The following CSGALNACT1 variants were observed in gnomAD, a reference collection of about 807,000 sequenced individuals.
CSGALNACT1 encodes chondroitin sulfate N-acetylgalactosaminyltransferase 1.
A neutral mutation model predicts 51.0 loss-of-function variants in CSGALNACT1; 52 were observed. The ratio of observed to expected loss-of-function variants is 1.02; its 90% CI spans 0.82 to 1.29. The LOEUF (loss-of-function observed/expected upper bound fraction) is 1.29. CSGALNACT1 is among the 50% of genes most tolerant of loss of function. The pLI is 0.00. For missense variants in CSGALNACT1, 935 were observed against 679.2 expected (o/e 1.38, Z -4.19); for synonymous variants, 341 against 254.4 (o/e 1.34, Z -3.24).
chr8:19,513,437 T>TCTCTCTATATATATATAC (rs1491147909), intron 3 of CSGALNACT1, among the ~76,000 whole-genome samples: 44 of 32,058 alleles, frequency 1.4e-3, no homozygotes, highest in African/African-American at 5.0e-3. Context: ...TCTCTCTCTC[T>TCTCTCTATATATATATAC]ATATATATAT....
intron 8 of CSGALNACT1, among the ~76,000 whole-genome samples, chr8:19,412,618 C>T (rs867657913): frequency 9.9e-5 from 15 of 152,218 alleles, no homozygotes; most frequent in South Asian, 2.1e-4. Context: ...TTAGCAGGGC[C>T]GGCTTACAAA....
intron 1 of CSGALNACT1, among the ~76,000 whole-genome samples, chr8:19,623,040 TATC>T (rs1589100295): frequency 6.6e-6 from 1 of 152,162 alleles, no homozygotes; most frequent in East Asian, 1.9e-4. Context: ...TCCACACATG[TATC>T]CCAGAACTTA....
At chr8:19,456,523 G>C (rs891144276) in intron 5 of CSGALNACT1, among the ~76,000 whole-genome samples, 1 of 152,208 alleles carries the variant, frequency 6.6e-6, no homozygotes, top group Non-Finnish European at 1.5e-5. Flanking sequence ...AACGCCGCAG[G>C]TTCAGTCATT....
At chr8:19,461,578 C>G (rs1413649703) in intron 4 of CSGALNACT1, among the ~76,000 whole-genome samples, 1 of 131,566 alleles carries the variant, frequency 7.6e-6, no homozygotes, top group Non-Finnish European at 1.7e-5. Flanking sequence ...CGGCCACATT[C>G]ACCATGGGGG....
At chr8:19,666,925 GAGAC>G (rs2059307578) in intron 1 of CSGALNACT1, among the ~76,000 whole-genome samples, 1 of 136,286 alleles carries the variant, frequency 7.3e-6, no homozygotes, top group African/African-American at 2.8e-5. Flanking sequence ...GAGGAAGGGA[GAGAC>G]AGAGAGAGAG....
chr8:19,548,941 C>A (rs1443312195), intron 3 of CSGALNACT1, among the ~76,000 whole-genome samples: 3 of 152,172 alleles, frequency 2.0e-5, no homozygotes, highest in African/African-American at 7.2e-5. Flanking sequence ...GCCTCAGCCT[C>A]CCAAGTAGCT....
intron 5 of CSGALNACT1, among the ~76,000 whole-genome samples, chr8:19,452,477 A>C (rs981783334): frequency 2.0e-5 from 3 of 151,668 alleles, no homozygotes; most frequent in African/African-American, 7.3e-5. Context: ...AAAGCTAATC[A>C]CATTTAGTCA....
chr8:19,517,314 C>G (rs1332199778), intron 3 of CSGALNACT1, among the ~76,000 whole-genome samples: 1 of 152,104 alleles, frequency 6.6e-6, no homozygotes, highest in East Asian at 1.9e-4. Context: ...GTGGCACATG[C>G]CTGTAATCCC....
At chr8:19,600,369 C>T (rs901806407) in intron 2 of CSGALNACT1, among the ~76,000 whole-genome samples, 2 of 152,134 alleles carry the variant, frequency 1.3e-5, no homozygotes, top group Non-Finnish European at 2.9e-5. Flanking sequence ...AGTGAGCCAC[C>T]GCACCCAGCC....
At chr8:19,443,084 G>A (rs1419340957) in intron 5 of CSGALNACT1, among the ~76,000 whole-genome samples, 1 of 152,114 alleles carries the variant, frequency 6.6e-6, no homozygotes, top group Non-Finnish European at 1.5e-5. Flanking sequence ...GCACCCTCCT[G>A]GGGCCAGACC....
chr8:19,506,180 C>T (rs1039641497), intron 3 of CSGALNACT1, 50 bp from the exon 3 acceptor site: 8 of 502,980 alleles, frequency 1.6e-5, no homozygotes, highest in Non-Finnish European at 3.1e-5. Flanking sequence ...CAACGACTCC[C>T]TCATGTTCCC....
chr8:19,498,698 T>G (rs1422323811), intron 4 of CSGALNACT1, among the ~76,000 whole-genome samples: 1 of 152,208 alleles, frequency 6.6e-6, no homozygotes, highest in African/African-American at 2.4e-5. Flanking sequence ...GAGCCTTTCC[T>G]GCCCACTCCA....
intron 4 of CSGALNACT1, among the ~76,000 whole-genome samples, chr8:19,480,702 T>A (rs1372846696): frequency 1.3e-5 from 2 of 152,216 alleles, no homozygotes; most frequent in African/African-American, 4.8e-5. Context: ...TTCAGTGATC[T>A]GGAGTGTCCA....
chr8:19,434,499 T>G (rs575412613), intron 6 of CSGALNACT1, among the ~76,000 whole-genome samples: 1 of 152,216 alleles, frequency 6.6e-6, no homozygotes, highest in East Asian at 1.9e-4. Context: ...AGAAGCAAGA[T>G]ACTCTCCTGG....
chr8:19,433,561 G>A (rs1292936374), intron 6 of CSGALNACT1, among the ~76,000 whole-genome samples: 3 of 152,172 alleles, frequency 2.0e-5, no homozygotes, highest in African/African-American at 7.2e-5. Flanking sequence ...TTAGACAAAT[G>A]CTCTCCCTGA....
At position 19,536,805 on chromosome 8, in the gene CSGALNACT1, A is replaced by G. The variant is rs1413232898; in HGVS notation, c.-296-30675T>C. Among the ~76,000 whole-genome samples, 7 of 152,332 alleles carry G rather than the reference A, an allele frequency of 4.6e-5. No individual in the cohort carries two copies. The East Asian group carries it at 1.3e-3, about 29-fold the overall frequency. On this transcript the variant is annotated intron_variant, in intron 3 of 9. Transcript: ENST00000454498. ...GAGACTGGCAGAAGTAGTGGCAGAG[A>G]GATAGATATACAGAACAACAAAGTA...
At chr8:19,678,871 A>G (rs1195593328) in intron 1 of CSGALNACT1, 1 of 152,212 alleles carries the variant, frequency 6.6e-6, no homozygotes, top group East Asian at 1.9e-4. Flanking sequence ...CCTCATTATA[A>G]TGACAGTAAC....
chr8:19,740,135 T>C (rs1332159114), intron 1 of CSGALNACT1, among the ~76,000 whole-genome samples: 1 of 152,238 alleles, frequency 6.6e-6, no homozygotes, highest in Non-Finnish European at 1.5e-5. Context: ...CCGCTGCCTG[T>C]GCCTCCTGGG....
rs13268092 is a variant in CSGALNACT1, at chr8:19,461,814, A to G, written c.635-3172T>C. Among the ~76,000 whole-genome samples, 29 of 75,192 alleles carry G rather than the reference A, an allele frequency of 3.9e-4. 4 individuals carry two copies. Among genetic ancestry groups the G allele is most frequent in the Non-Finnish European group, 5.5e-4 (18 of 32,516 alleles). The allele number at this position is 75,192 out of a possible 152,430, so 49.3% of individuals were successfully genotyped here. On this transcript the variant is annotated intron_variant, in intron 4 of 9. Coordinates refer to ENST00000454498, the Ensembl canonical transcript of CSGALNACT1. The stretch of plus-strand genomic sequence containing the variant: ...ACCATGGAGGGCGTATCCCCACAGC[A>G]GCCACATTAGCCATGGAGGGTGTAT...
Sources: gnomAD v4.1 joint callset for allele counts (sites outside exome capture counted in the v4.1 genomes callset) on GRCh38, gnomAD v4.1.1 for gene constraint, MANE v1.5 for transcripts, NCBI Gene and HGNC (gene_info 2026-07-23, HGNC 2026-07-21) for gene names.